Variants in CNTNAP5 observed in about 807,000 individuals in gnomAD.
CNTNAP5 encodes contactin associated protein family member 5, also known as contactin-associated protein-like 5.
A neutral mutation model predicts 150.2 loss-of-function variants in CNTNAP5; 72 were observed. The observed-to-expected ratio is 0.48, with a 90% confidence interval of 0.40 to 0.58. The LOEUF is 0.58. Ranked by LOEUF, CNTNAP5 falls within the 20% of genes least tolerant of loss-of-function variation. The pLI is 0.00. For missense variants in CNTNAP5, 1,636 were observed against 1,626.2 expected, an observed-to-expected ratio of 1.01 and a Z score of -0.10; for synonymous variants, 672 against 619.8, an observed-to-expected ratio of 1.08 and a Z score of -1.25.
chr2:124,527,244 C>T, intron 9 of CNTNAP5, 41 bp from the exon 10 acceptor site: 1 of 1,575,274 alleles, frequency 6.3e-7, no homozygotes, highest in Non-Finnish European at 8.7e-7. Flanking sequence ...AATGACGGAT[C>T]ATTTCAGCAT....
intron 19 of CNTNAP5, among the ~76,000 whole-genome samples, chr2:124,843,855 T>G (rs1682994243): frequency 6.6e-6 from 1 of 152,078 alleles, no homozygotes; most frequent in African/African-American, 2.4e-5. Context: ...GATGAGATTG[T>G]CTGTTCTTTC....
At chr2:124,778,478 CAT>C (rs1354411759) in intron 17 of CNTNAP5, 1 of 152,938 alleles carries the variant, frequency 6.5e-6, no homozygotes, top group Non-Finnish European at 1.5e-5. Context: ...CACAGTGTGT[CAT>C]CATCTCCTTT....
chr2:124,317,580 AT>A lies in CNTNAP5; in HGVS notation c.381+75198del, dbSNP rs879625212. On this transcript the variant is annotated intron_variant, in intron 3 of 23. Transcript: ENST00000682447. ...CAAACCATGTATTCCAAATCTCAGA[AT>A]TTTTTTTTTTCTGGAGGGAAAACAA... 8.4e-3 allele frequency among the ~76,000 whole-genome samples: 1,246 copies of A among 148,712 alleles called. 12 individuals are homozygous for A. Among genetic ancestry groups the A allele is most frequent in the African/African-American group, 0.019 (784 of 40,772 alleles).
At chr2:124,400,627 T>G (rs901165954) in intron 3 of CNTNAP5, among the ~76,000 whole-genome samples, 4 of 150,136 alleles carry the variant, frequency 2.7e-5, no homozygotes, top group African/African-American at 9.8e-5. Context: ...GCAAGAAAGT[T>G]GAAAAAGATT....
At chr2:124,717,127 T>A (rs1679960895) in intron 13 of CNTNAP5, among the ~76,000 whole-genome samples, 2 of 152,216 alleles carry the variant, frequency 1.3e-5, no homozygotes, top group Admixed American at 6.6e-5. Flanking sequence ...TAGCAAATGA[T>A]GCCATTTCCA....
intron 4 of CNTNAP5, among the ~76,000 whole-genome samples, chr2:124,424,367 G>A (rs913545547): frequency 7.9e-5 from 12 of 152,164 alleles, no homozygotes; most frequent in African/African-American, 2.9e-4. Context: ...CAAGTGGGGA[G>A]GGACAGGATG....
intron 3 of CNTNAP5, among the ~76,000 whole-genome samples, chr2:124,382,275 TG>T (rs2104739202): frequency 6.6e-6 from 1 of 151,910 alleles, no homozygotes; most frequent in South Asian, 2.1e-4. Flanking sequence ...CAGAGAGAGG[TG>T]GCTTTGTGGA....
At chr2:124,247,062 A>G (rs1687048178) in intron 3 of CNTNAP5, among the ~76,000 whole-genome samples, 1 of 152,100 alleles carries the variant, frequency 6.6e-6, no homozygotes, top group Non-Finnish European at 1.5e-5. Flanking sequence ...GCAATGGATT[A>G]TACATTTTGG....
intron 14 of CNTNAP5, among the ~76,000 whole-genome samples, chr2:124,755,429 C>G (rs1300745832): frequency 6.6e-6 from 1 of 152,166 alleles, no homozygotes; most frequent in Non-Finnish European, 1.5e-5. Flanking sequence ...ATATTCAGAA[C>G]TCACCAGTCA....
Position 124,025,497 on chromosome 2 carries a change from G to C in CNTNAP5, c.-154G>C. 1.6e-6 allele frequency: 1 copy of C among 641,416 alleles called. No homozygotes were observed. The highest frequency in any genetic ancestry group is 2.8e-6 in the Non-Finnish European group (1 of 357,970). 39.7% of individuals were successfully genotyped at this position (641,416 alleles called of 1,614,324 possible). On this transcript the variant is annotated 5_prime_UTR_variant, in exon 1 of 24. Coordinates refer to ENST00000682447, the MANE Select transcript of CNTNAP5 (RefSeq NM_001367498.1). ...TCCCCCGCCACGGTTTCGGTGGAGC[G>C]TCTGGGCACGGGATGGAGTGAAAGA...
At chr2:124,164,392 G>T (rs1684760103) in intron 1 of CNTNAP5, among the ~76,000 whole-genome samples, 1 of 152,168 alleles carries the variant, frequency 6.6e-6, no homozygotes, top group Admixed American at 6.5e-5. Flanking sequence ...TTCATAGATA[G>T]ATTATAATAT....
chr2:124,808,229 A>C (rs1682122287), intron 19 of CNTNAP5, among the ~76,000 whole-genome samples: 1 of 152,196 alleles, frequency 6.6e-6, no homozygotes, highest in Non-Finnish European at 1.5e-5. Flanking sequence ...GAAAAATTAC[A>C]TGTGATAAAT....
chr2:124,492,701 C>G (rs2104851462), intron 7 of CNTNAP5, among the ~76,000 whole-genome samples: 1 of 152,136 alleles, frequency 6.6e-6, no homozygotes, highest in South Asian at 2.1e-4. Flanking sequence ...ATTCTTATTA[C>G]TCGAACATGG....
chr2:124,408,915 G>T (rs1324516593), intron 3 of CNTNAP5, among the ~76,000 whole-genome samples: 2 of 152,056 alleles, frequency 1.3e-5, no homozygotes, highest in East Asian at 3.9e-4. Context: ...AGAGAAGGAG[G>T]CTTCAGACGA....
chr2:124,707,384 A>T (rs17321250), intron 13 of CNTNAP5, among the ~76,000 whole-genome samples: 1 of 152,174 alleles, frequency 6.6e-6, no homozygotes, highest in Non-Finnish European at 1.5e-5. Context: ...TATTTGTGCA[A>T]CTGGCATTTT....
intron 13 of CNTNAP5, among the ~76,000 whole-genome samples, chr2:124,713,318 C>CCCTT (rs1679868364): frequency 2.3e-5 from 1 of 43,926 alleles, no homozygotes; most frequent in African/African-American, 7.8e-5. Flanking sequence ...CTCTTTCTTT[C>CCCTT]CTTTCTTTCT....
At chr2:124,042,783 C>CATCTATCT (rs3036301) in intron 1 of CNTNAP5, among the ~76,000 whole-genome samples, 12,413 of 148,144 alleles carry the variant, frequency 0.084, 580 homozygotes, top group East Asian at 0.14. Flanking sequence ...AACTCTCTAT[C>CATCTATCT]ATCTATCTAT....
chr2:124,628,641 C>T (rs1677781218), intron 12 of CNTNAP5, among the ~76,000 whole-genome samples: 1 of 152,130 alleles, frequency 6.6e-6, no homozygotes. Context: ...AACAACACTA[C>T]TAAACAACTA....
intron 3 of CNTNAP5, among the ~76,000 whole-genome samples, chr2:124,259,834 G>A (rs1205399812): frequency 6.6e-6 from 1 of 152,104 alleles, no homozygotes; most frequent in Non-Finnish European, 1.5e-5. Context: ...TCTTCAAGGA[G>A]AACTACAAAC....
Sources: gnomAD v4.1 joint callset for allele counts (sites outside exome capture counted in the v4.1 genomes callset) on GRCh38, gnomAD v4.1.1 for gene constraint, MANE v1.5 for transcripts, NCBI Gene and HGNC (gene_info 2026-07-23, HGNC 2026-07-21) for gene names.